Variants in PUM3 observed in about 807,000 individuals in gnomAD.
PUM3 encodes pumilio homolog 3.
PUM3 carries 91 observed loss-of-function variants against 84.0 expected under a neutral mutation model. That is an observed-to-expected ratio of 1.08 (90% CI 0.91 to 1.29). The LOEUF (loss-of-function observed/expected upper bound fraction) is 1.29, where lower values mean the gene tolerates loss of function less well. Ranked by LOEUF, PUM3 falls within the 50% of genes most tolerant of loss-of-function variation. PUM3 has a pLI of 0.00. For synonymous variants in PUM3, 321 were observed against 266.7 expected, an observed-to-expected ratio of 1.20 and a Z score of -1.98; for missense variants, 1,067 against 767.5, an observed-to-expected ratio of 1.39 and a Z score of -4.61.
At chr9:2,838,940 T>A (rs902697040) in intron 1 of PUM3, among the ~76,000 whole-genome samples, 16 of 152,092 alleles carry the variant, frequency 1.1e-4, no homozygotes, top group African/African-American at 3.9e-4. Context: ...GAACAAACAA[T>A]AGGCTGCATG....
At chr9:2,810,104 T>TGG (rs1222182572) in intron 16 of PUM3, among the ~76,000 whole-genome samples, 2 of 6,760 alleles carry the variant, frequency 3.0e-4, no homozygotes, top group African/African-American at 1.2e-3. Flanking sequence ...GAGGGGGCGG[T>TGG]GGGGGGGGCT....
intron 15 of PUM3, among the ~76,000 whole-genome samples, 198 bp from the exon 16 acceptor site, chr9:2,810,629 G>A (rs1821347232): frequency 6.6e-6 from 1 of 152,196 alleles, no homozygotes; most frequent in East Asian, 1.9e-4. Context: ...TCCCCAGACT[G>A]AAAGACAGTT....
intron 1 of PUM3, among the ~76,000 whole-genome samples, chr9:2,840,372 C>T (rs1469466693): frequency 1.3e-5 from 2 of 152,102 alleles, no homozygotes; most frequent in African/African-American, 4.8e-5. Flanking sequence ...CGTTAAACTA[C>T]CACAGCAATT....
rs1816149775 is a variant in PUM3 at position 2,837,251 on chromosome 9, G to C, written c.233C>G (p.Pro78Arg). 4 of 1,613,954 alleles carry C rather than the reference G, an allele frequency of 2.5e-6. No homozygotes were observed. Among genetic ancestry groups the C allele is most frequent in the Non-Finnish European group, 3.4e-6 (4 of 1,179,924 alleles). The change falls in exon 3 of 18, where the codon CCA (proline) becomes CGA (arginine). Residue 78 changes from proline to arginine, a missense_variant. Physicochemically the swap from Pro to Arg is moderately radical, Grantham distance 103 (BLOSUM62 -2). Coordinates refer to ENST00000397885, the MANE Select transcript of PUM3 (RefSeq NM_014878.5). Reference protein sequence around the residue: ...FKNKQQGDKSPKNKFQPANKF... With the variant: ...FKNKQQGDKSRKNKFQPANKF... ...ATTTGCCGGCTGGAATTTGTTCTTTGGTGATTTGTCCCCTTGCTGCTTATT... is the reference window on the plus strand; with the variant it reads ...ATTTGCCGGCTGGAATTTGTTCTTTCGTGATTTGTCCCCTTGCTGCTTATT...
intron 12 of PUM3, 58 bp downstream of exon 12, chr9:2,823,723 G>A: frequency 1.4e-6 from 1 of 711,724 alleles, no homozygotes; most frequent in Non-Finnish European, 2.2e-6. Flanking sequence ...TTCTATAATA[G>A]ACATGAATTC....
chr9:2,815,748 C>G (rs1427381719), intron 13 of PUM3, among the ~76,000 whole-genome samples: 2 of 152,146 alleles, frequency 1.3e-5, no homozygotes, highest in Non-Finnish European at 2.9e-5. Context: ...AGTTTTTACC[C>G]TCAAGAGAAA....
In PUM3 at chr9:2,824,726, G is replaced by A. The variant is rs1299331840; in HGVS notation, c.1125C>T (p.Gly375=). 1.9e-6 allele frequency: 3 copies of A among 1,547,080 alleles called. No homozygotes were observed. The highest frequency in any genetic ancestry group is 1.8e-6 in the Non-Finnish European group (2 of 1,136,756). The change falls in exon 11 of 18, where the codon GGC becomes GGT. Residue 375 remains glycine, a synonymous_variant. Coordinates refer to ENST00000397885, the MANE Select transcript of PUM3 (RefSeq NM_014878.5). The part of the protein sequence containing the change: ...ARVAMHCLWH[G]TPKDRKVIVK... Reference sequence around the variant, plus strand: ...GTGCTGTCACACTTACCTTGGGCGTGCCATGCCACAGGCAGTGCATGGCCA... The same window carrying A: ...GTGCTGTCACACTTACCTTGGGCGTACCATGCCACAGGCAGTGCATGGCCA...
chr9:2,842,524 C>G (rs917198760), intron 1 of PUM3, among the ~76,000 whole-genome samples: 2 of 152,060 alleles, frequency 1.3e-5, no homozygotes, highest in Non-Finnish European at 2.9e-5. Context: ...CAATTTCTAC[C>G]CATCCTTCAA....
intron 9 of PUM3, among the ~76,000 whole-genome samples, chr9:2,827,821 A>G (rs1815864705): frequency 6.6e-6 from 1 of 152,218 alleles, no homozygotes; most frequent in East Asian, 1.9e-4. Flanking sequence ...ATTCCTATGA[A>G]GTCTGTACTA....
intron 8 of PUM3, 58 bp from the exon 9 acceptor site, chr9:2,828,836 G>T (rs1276808912): frequency 5.2e-6 from 5 of 959,772 alleles, no homozygotes; most frequent in Admixed American, 4.2e-5. Context: ...TTCACTTCAG[G>T]AAAAAGAAAA....
chr9:2,811,480 A>G lies in PUM3; in HGVS notation c.1516T>C (p.Ser506Pro). ...ATGTCAGACACCAACACACACGCAG[A>G]CTTATCTAGCACCACTTCTTGGGCG... ...EHAQEVVLDKSACVLVSDILG... is the reference protein window; with the variant it reads ...EHAQEVVLDKPACVLVSDILG... Residue 506 changes from serine (S) to proline (P), a missense_variant, in exon 15 of 18, where the codon TCT becomes CCT. Coordinates refer to ENST00000397885, the MANE Select transcript of PUM3 (RefSeq NM_014878.5). 6.2e-7 allele frequency: 1 copy of G among 1,614,160 alleles called. No homozygotes were observed. The highest frequency in any genetic ancestry group is 8.5e-7 in the Non-Finnish European group (1 of 1,180,026).
intron 1 of PUM3, among the ~76,000 whole-genome samples, chr9:2,840,014 C>T (rs934228901): frequency 5.3e-5 from 8 of 152,150 alleles, no homozygotes; most frequent in African/African-American, 1.9e-4. Context: ...TACACTGAAT[C>T]TGGCCATCAA....
chr9:2,839,929 A>G (rs1586730029), intron 1 of PUM3, among the ~76,000 whole-genome samples: 1 of 152,262 alleles, frequency 6.6e-6, no homozygotes, highest in Admixed American at 6.5e-5. Flanking sequence ...TAATGTTAAC[A>G]TACAGTTAAC....
intron 9 of PUM3, 80 bp from the exon 10 acceptor site, chr9:2,827,231 T>TA: frequency 1.1e-6 from 1 of 885,180 alleles, no homozygotes; most frequent in Non-Finnish European, 1.8e-6. Flanking sequence ...CTCAAAGTCC[T>TA]AAAGTAATCT....
At chr9:2,829,734 A>G in intron 8 of PUM3, 40 bp downstream of exon 8, 2 of 1,563,986 alleles carry the variant, frequency 1.3e-6, no homozygotes, top group Non-Finnish European at 1.7e-6. Flanking sequence ...GAGCATATCG[A>G]AAAGTAAAAA....
chr9:2,843,706 G>C (rs1004698618), intron 1 of PUM3, among the ~76,000 whole-genome samples: 1 of 150,732 alleles, frequency 6.6e-6, no homozygotes, highest in Non-Finnish European at 1.5e-5. Context: ...AGCCTCCCAA[G>C]TAGCTGGGAC....
chr9:2,820,715 GTATAAT>G (rs1821572338), intron 12 of PUM3, among the ~76,000 whole-genome samples: 1 of 151,910 alleles, frequency 6.6e-6, no homozygotes, highest in South Asian at 2.1e-4. Flanking sequence ...AACTAGAAGA[GTATAAT>G]TATACACTGA....
intron 1 of PUM3, among the ~76,000 whole-genome samples, chr9:2,841,970 A>G (rs532160596): frequency 6.6e-6 from 1 of 152,174 alleles, no homozygotes; most frequent in Non-Finnish European, 1.5e-5. Context: ...CACTCTAAAA[A>G]GTCCCCTGGT....
intron 3 of PUM3, among the ~76,000 whole-genome samples, chr9:2,835,529 A>G (rs1267056773): frequency 2.0e-5 from 3 of 147,890 alleles, no homozygotes; most frequent in African/African-American, 7.7e-5. Flanking sequence ...ATATACTACA[A>G]TGTATTTATT....
Sources: allele counts gnomAD v4.1 joint callset (sites outside exome capture counted in the v4.1 genomes callset), GRCh38; gene constraint gnomAD v4.1.1; transcripts MANE v1.5; gene names NCBI Gene and HGNC (gene_info 2026-07-23, HGNC 2026-07-21).